The following SHISA9 variants were observed in gnomAD, a reference collection of about 807,000 sequenced individuals.
SHISA9 encodes the protein shisa family member 9.
In SHISA9, 13 loss-of-function variants were observed where a neutral mutation model predicts 38.0. That is an observed-to-expected ratio of 0.34 (90% confidence interval 0.22 to 0.54). The LOEUF (loss-of-function observed/expected upper bound fraction) is 0.54. SHISA9 is among the 20% of genes least tolerant of loss of function. SHISA9 has a pLI of 0.91. For missense variants in SHISA9, 538 were observed against 575.8 expected (o/e 0.93, Z 0.67); for synonymous variants, 275 against 242.0 (o/e 1.14, Z -1.27).
the SHISA9 span, among the ~76,000 whole-genome samples, chr16:13,497,290 A>G: frequency 1.3e-5 from 2 of 152,216 alleles, 1 homozygote; most frequent in Non-Finnish European, 2.9e-5. Context: ...ACATTTTGAT[A>G]CATGTTTACA....
At chr16:13,044,287 G>C (rs1442442028) in intron 2 of SHISA9, among the ~76,000 whole-genome samples, 1 of 152,182 alleles carries the variant, frequency 6.6e-6, no homozygotes, top group Non-Finnish European at 1.5e-5. Flanking sequence ...GATTACTTTT[G>C]CACCAAATTC....
the SHISA9 span, among the ~76,000 whole-genome samples, chr16:13,285,462 G>GTTTTTTTTTTTTTTTT: frequency 9.4e-5 from 9 of 95,786 alleles, no homozygotes; most frequent in African/African-American, 3.8e-4. Context: ...TTCAGGTGTA[G>GTTTTTTTTTTTTTTTT]TTTTTTTTTT....
chr16:13,477,314 G>A, the SHISA9 span, among the ~76,000 whole-genome samples: 1 of 152,110 alleles, frequency 6.6e-6, no homozygotes, highest in Admixed American at 6.5e-5. Flanking sequence ...TACACAGACT[G>A]GGCAAAAGTT....
chr16:12,931,498 C>T (rs1420376691), intron 2 of SHISA9, among the ~76,000 whole-genome samples: 1 of 152,176 alleles, frequency 6.6e-6, no homozygotes, highest in Non-Finnish European at 1.5e-5. Context: ...TCCATGTCTA[C>T]CCAGTATTTA....
At chr16:13,288,521 TG>T in the SHISA9 span, among the ~76,000 whole-genome samples, 1 of 151,786 alleles carries the variant, frequency 6.6e-6, no homozygotes, top group Non-Finnish European at 1.5e-5. Flanking sequence ...TTCGGCCAGG[TG>T]GGGTGGCTCA....
At chr16:12,999,269 C>T (rs918716095) in intron 2 of SHISA9, among the ~76,000 whole-genome samples, 1 of 152,108 alleles carries the variant, frequency 6.6e-6, no homozygotes, top group Non-Finnish European at 1.5e-5. Flanking sequence ...TGGAAAAAAC[C>T]TGGCACTAAA....
At chr16:13,466,074 C>G in the SHISA9 span, among the ~76,000 whole-genome samples, 4 of 152,154 alleles carry the variant, frequency 2.6e-5, no homozygotes, top group African/African-American at 9.7e-5. Flanking sequence ...TAACCATTAC[C>G]CCTAGTGACC....
chr16:13,393,357 G>T, the SHISA9 span, among the ~76,000 whole-genome samples: 1 of 152,178 alleles, frequency 6.6e-6, no homozygotes, highest in African/African-American at 2.4e-5. Context: ...CCAAAATTGT[G>T]TGGCCATTCC....
intron 1 of SHISA9, among the ~76,000 whole-genome samples, chr16:12,914,953 G>A (rs1316506720): frequency 6.6e-6 from 1 of 152,212 alleles, no homozygotes; most frequent in East Asian, 1.9e-4. Context: ...CTGTAGTACG[G>A]TAAGTTCCAG....
chr16:13,431,784 G>A, the SHISA9 span, among the ~76,000 whole-genome samples: 52,969 of 152,002 alleles, frequency 0.35, 9,474 homozygotes, highest in South Asian at 0.5. Flanking sequence ...AAAATAGGCC[G>A]GGCAAGTGGC....
At chr16:13,174,085 C>T (rs527359200) in intron 2 of SHISA9, among the ~76,000 whole-genome samples, 18 of 152,236 alleles carry the variant, frequency 1.2e-4, no homozygotes, top group South Asian at 2.1e-4. Context: ...ATAAAATGAG[C>T]GGCTGGACTG....
chr16:12,910,447 G>A (rs62029745), intron 1 of SHISA9: 22 of 985,244 alleles, frequency 2.2e-5, no homozygotes, highest in Non-Finnish European at 2.5e-5. Context: ...CAAATATCAG[G>A]AGACAGGTAA....
chr16:12,979,852 T>C (rs2072217246), intron 2 of SHISA9, among the ~76,000 whole-genome samples: 1 of 152,242 alleles, frequency 6.6e-6, no homozygotes, highest in Non-Finnish European at 1.5e-5. Flanking sequence ...AATACGAGCT[T>C]AGCATGCTCT....
chr16:13,170,693 A>G (rs1231337972), intron 2 of SHISA9, among the ~76,000 whole-genome samples: 5 of 152,050 alleles, frequency 3.3e-5, no homozygotes, highest in African/African-American at 9.7e-5. Flanking sequence ...GTCTTGCTCT[A>G]TTGCCCAGGC....
the SHISA9 span, among the ~76,000 whole-genome samples, chr16:13,352,589 G>A: frequency 3.3e-5 from 5 of 151,876 alleles, no homozygotes; most frequent in South Asian, 2.1e-4. Flanking sequence ...ATTTTCATGC[G>A]CGTCCGTGTG....
At chr16:13,411,525 C>T in the SHISA9 span, among the ~76,000 whole-genome samples, 7 of 152,226 alleles carry the variant, frequency 4.6e-5, no homozygotes, top group Non-Finnish European at 8.8e-5. Flanking sequence ...GCAGTCCAGG[C>T]CGGGAGGGCC....
At chr16:13,471,601 C>T in the SHISA9 span, among the ~76,000 whole-genome samples, 3 of 152,086 alleles carry the variant, frequency 2.0e-5, no homozygotes, top group Non-Finnish European at 4.4e-5. Context: ...ATTGAGGTGG[C>T]CACAGGAAGA....
At chr16:13,447,164 C>T in the SHISA9 span, among the ~76,000 whole-genome samples, 2 of 152,044 alleles carry the variant, frequency 1.3e-5, no homozygotes, top group Admixed American at 1.3e-4. Context: ...GAATGTTCAC[C>T]CAGAAGCTGA....
At chr16:13,334,584 C>G in the SHISA9 span, among the ~76,000 whole-genome samples, 3 of 151,900 alleles carry the variant, frequency 2.0e-5, no homozygotes, top group African/African-American at 7.3e-5. Context: ...GCCATCCTGG[C>G]TAACATGGTG....
Sources: allele counts gnomAD v4.1 joint callset (sites outside exome capture counted in the v4.1 genomes callset), GRCh38; gene constraint gnomAD v4.1.1; transcripts MANE v1.5; gene names NCBI Gene and HGNC (gene_info 2026-07-23, HGNC 2026-07-21).